Variants in GALNT17 observed in about 807,000 individuals in gnomAD.
GALNT17 encodes polypeptide N-acetylgalactosaminyltransferase 17.
In GALNT17, 29 loss-of-function variants were observed where a neutral mutation model predicts 63.7. That is an observed-to-expected ratio of 0.46 (90% CI 0.34 to 0.62). The LOEUF (loss-of-function observed/expected upper bound fraction) is 0.62, where lower values mean the gene tolerates loss of function less well. Ranked by LOEUF, GALNT17 falls within the 20% of genes least tolerant of loss-of-function variation. GALNT17 has a pLI of 0.01. For missense variants in GALNT17, 603 were observed against 799.6 expected (o/e 0.75, Z 2.97); for synonymous variants, 305 against 318.3 (o/e 0.96, Z 0.45).
intron 6 of GALNT17, among the ~76,000 whole-genome samples, chr7:71,640,263 C>T (rs1215671329): frequency 1.3e-5 from 2 of 152,144 alleles, no homozygotes; most frequent in Non-Finnish European, 2.9e-5. Context: ...GATTTTCCCT[C>T]TTGTAAAACT....
intron 9 of GALNT17, among the ~76,000 whole-genome samples, chr7:71,691,492 G>C (rs1280298183): frequency 6.6e-6 from 1 of 152,158 alleles, no homozygotes; most frequent in African/African-American, 2.4e-5. Flanking sequence ...AGATATGCCT[G>C]TATTTGATTT....
Position 71,132,451 on chromosome 7 carries a change from C to T in GALNT17, c.-352C>T, listed in dbSNP as rs1449992390. The T allele has an allele frequency of 1.7e-5, 3 of 177,788 alleles. No homozygotes were observed. The highest frequency in any genetic ancestry group is 2.3e-5 in the Non-Finnish European group (2 of 85,500). The allele number at this position is 177,788 out of a possible 1,614,324, so 11.0% of individuals were successfully genotyped here. A position where few individuals can be genotyped will look rare whatever the true frequency, so the allele number is the denominator to read the frequency against. On this transcript the variant is annotated 5_prime_UTR_variant, in exon 1 of 11. Coordinates refer to ENST00000333538, the MANE Select transcript of GALNT17 (RefSeq NM_022479.3). ...CTGCCGGCCTCGGAGTCCGCGGCGCCGGCGGCTAGAGGTCCAGAGGCGAAC... is the reference window on the plus strand; with the variant it reads ...CTGCCGGCCTCGGAGTCCGCGGCGCTGGCGGCTAGAGGTCCAGAGGCGAAC...
Position 71,221,908 on chromosome 7 carries a change from A to ATTTT in GALNT17, c.238+88888_238+88891dup, listed in dbSNP as rs370780821. On this transcript the variant is annotated intron_variant, in intron 1 of 10. Transcript: ENST00000333538. ...CAAGTAAACTACAGACCTTATTTAG[A>ATTTT]TTTTTTTTTTTTTTTTTTTTTTTGA... Among the ~76,000 whole-genome samples the ATTTT allele has an allele frequency of 4.4e-4, 50 of 114,688 alleles. 2 individuals are homozygous for ATTTT. Among genetic ancestry groups the ATTTT allele is most frequent in the South Asian group, 2.2e-3 (6 of 2,762 alleles). The allele number at this position is 114,688 out of a possible 152,430, so 75.2% of individuals were successfully genotyped here.
chr7:71,681,014 C>A (rs1014864973), intron 9 of GALNT17, among the ~76,000 whole-genome samples: 1 of 152,066 alleles, frequency 6.6e-6, no homozygotes, highest in Non-Finnish European at 1.5e-5. Flanking sequence ...CTCCTCCTGC[C>A]TCAGCCTCCT....
chr7:71,712,854 A>G lies in GALNT17; in HGVS notation c.*708A>G, dbSNP rs1288095071. The G allele has an allele frequency of 6.6e-6, 1 of 152,590 alleles. No homozygotes were observed. Among genetic ancestry groups the G allele is most frequent in the African/African-American group, 2.4e-5 (1 of 41,446 alleles). 9.5% of individuals were successfully genotyped at this position (152,590 alleles called of 1,614,324 possible). On this transcript the variant is annotated 3_prime_UTR_variant, in exon 11 of 11. Transcript: ENST00000333538. ...CTCCTGCCTGTGTCTAGAGGAAGCC[A>G]GAGACAGAAATAGGCTAAGCCTGCA...
At chr7:71,711,016 C>A in intron 10 of GALNT17, 88 bp downstream of exon 10, 1 of 1,508,152 alleles carries the variant, frequency 6.6e-7, no homozygotes, top group African/African-American at 1.4e-5. Context: ...CCAGGGGTCC[C>A]CAGCAAAGAG....
At chr7:71,533,481 G>A (rs1478033445) in intron 5 of GALNT17, among the ~76,000 whole-genome samples, 1 of 152,156 alleles carries the variant, frequency 6.6e-6, no homozygotes, top group Non-Finnish European at 1.5e-5. Flanking sequence ...GAGCAACATA[G>A]TTGATTATCT....
chr7:71,341,209 T>C (rs1487577986), intron 2 of GALNT17, among the ~76,000 whole-genome samples: 1 of 151,914 alleles, frequency 6.6e-6, no homozygotes, highest in African/African-American at 2.4e-5. Context: ...TAAACGGAGA[T>C]AAGTAATTTA....
chr7:71,398,843 A>C (rs1031136122), intron 3 of GALNT17, among the ~76,000 whole-genome samples: 1 of 152,230 alleles, frequency 6.6e-6, no homozygotes, highest in Non-Finnish European at 1.5e-5. Context: ...TGTTATGTCC[A>C]TTTTATCAGT....
At chr7:71,574,335 T>A (rs1320464706) in intron 6 of GALNT17, among the ~76,000 whole-genome samples, 1 of 152,200 alleles carries the variant, frequency 6.6e-6, no homozygotes, top group Non-Finnish European at 1.5e-5. Flanking sequence ...CCTGGCTTTG[T>A]CTCCATGACA....
chr7:71,211,379 A>C, intron 1 of GALNT17, among the ~76,000 whole-genome samples: 1 of 152,132 alleles, frequency 6.6e-6, no homozygotes, highest in East Asian at 1.9e-4. Context: ...TTACCTCCCC[A>C]CATGATTCTG....
At chr7:71,279,955 T>A (rs182645113) in intron 1 of GALNT17, among the ~76,000 whole-genome samples, 6 of 152,272 alleles carry the variant, frequency 3.9e-5, no homozygotes, top group Admixed American at 3.3e-4. Context: ...GATTTTTGTT[T>A]CTCTATCCTC....
At chr7:71,388,469 C>T (rs1188182580) in intron 3 of GALNT17, 68 bp downstream of exon 3, 13 of 1,548,202 alleles carry the variant, frequency 8.4e-6, no homozygotes, top group East Asian at 6.9e-5. Flanking sequence ...TTCATTCCAA[C>T]GCGAGCCCGA....
intron 9 of GALNT17, among the ~76,000 whole-genome samples, chr7:71,685,203 G>A (rs1279314170): frequency 6.6e-6 from 1 of 152,162 alleles, no homozygotes; most frequent in African/African-American, 2.4e-5. Context: ...CCCAGGTGCA[G>A]AGGCTGGAAT....
chr7:71,502,165 C>T (rs371684158), intron 5 of GALNT17, among the ~76,000 whole-genome samples: 1 of 152,350 alleles, frequency 6.6e-6, no homozygotes, highest in South Asian at 2.1e-4. Context: ...CCAGCATCTA[C>T]TCTCTTGCCC....
In GALNT17 at chr7:71,177,033, A is replaced by T. The variant is rs1468524442; in HGVS notation, c.238+43993A>T. On this transcript the variant is annotated intron_variant, in intron 1 of 10. Coordinates refer to ENST00000333538, the MANE Select transcript of GALNT17 (RefSeq NM_022479.3). The stretch of plus-strand genomic sequence containing the variant: ...AGGACAGAGCTTCGAGCAGGGGCAG[A>T]TGTAATATGCACTTGCTGGGCTTTT... Among the ~76,000 whole-genome samples the T allele has an allele frequency of 4.6e-5, 7 of 152,172 alleles. No homozygotes were observed. In the South Asian group the frequency reaches 1.2e-3, roughly 27 times the overall value.
chr7:71,521,641 T>C (rs941194788), intron 5 of GALNT17, among the ~76,000 whole-genome samples: 4 of 152,212 alleles, frequency 2.6e-5, no homozygotes, highest in Non-Finnish European at 5.9e-5. Flanking sequence ...TTCTGTTTTT[T>C]CTTCCTGGCC....
chr7:71,388,893 A>G (rs551295740), intron 3 of GALNT17, among the ~76,000 whole-genome samples: 2 of 152,230 alleles, frequency 1.3e-5, no homozygotes, highest in East Asian at 1.9e-4. Flanking sequence ...CCTCTAGAGC[A>G]GGGGTCCCCA....
intron 5 of GALNT17, among the ~76,000 whole-genome samples, chr7:71,436,267 A>G (rs1212985346): frequency 6.6e-6 from 1 of 152,106 alleles, no homozygotes; most frequent in East Asian, 1.9e-4. Context: ...CTTAAGCTCA[A>G]GAGTTGGAGG....
Sources: allele counts gnomAD v4.1 joint callset (sites outside exome capture counted in the v4.1 genomes callset), GRCh38; gene constraint gnomAD v4.1.1; transcripts MANE v1.5; gene names NCBI Gene and HGNC (gene_info 2026-07-23, HGNC 2026-07-21).